Variants in SEMA3A observed in about 807,000 individuals in gnomAD.
SEMA3A encodes semaphorin 3A.
Under a neutral mutation model 97.9 loss-of-function variants are expected in SEMA3A, and 29 were observed. That is an observed-to-expected ratio of 0.30 (90% CI 0.22 to 0.40). The LOEUF (loss-of-function observed/expected upper bound fraction) is 0.40. Ranked by LOEUF, SEMA3A falls within the 10% of genes least tolerant of loss-of-function variation. The pLI is 1.00. For missense variants in SEMA3A, 763 were observed against 951.3 expected (o/e 0.80, Z 2.60); for synonymous variants, 321 against 323.7 (o/e 0.99, Z 0.09).
chr7:84,038,326 C>T (rs1483290966), intron 6 of SEMA3A, among the ~76,000 whole-genome samples: 4 of 152,092 alleles, frequency 2.6e-5, no homozygotes, highest in Non-Finnish European at 5.9e-5. Context: ...CATTTTACTA[C>T]ATTTTTAGCA....
chr7:84,391,521 T>C (rs1332691742), intron 1 of SEMA3A, among the ~76,000 whole-genome samples: 2 of 152,092 alleles, frequency 1.3e-5, no homozygotes, highest in African/African-American at 4.8e-5. Context: ...GTAAATATTT[T>C]GGAACAGCAG....
At chr7:84,487,776 C>T (rs1806612944) in intron 1 of SEMA3A, among the ~76,000 whole-genome samples, 1 of 151,914 alleles carries the variant, frequency 6.6e-6, no homozygotes, top group Non-Finnish European at 1.5e-5. Context: ...CTTGAGATTA[C>T]TTTTTAAAAA....
chr7:83,976,634 G>C (rs1789159035), intron 15 of SEMA3A, among the ~76,000 whole-genome samples: 3 of 151,824 alleles, frequency 2.0e-5, no homozygotes, highest in Non-Finnish European at 4.4e-5. Context: ...CAGTGTAAGG[G>C]AATACCCTAC....
At chr7:84,053,084 G>A (rs1046541792) in intron 5 of SEMA3A, among the ~76,000 whole-genome samples, 3 of 145,248 alleles carry the variant, frequency 2.1e-5, no homozygotes, top group Non-Finnish European at 1.5e-5. Context: ...GAGATAGTTT[G>A]TTATAATTTC....
At chr7:84,009,642 A>G (rs1790797081) in intron 9 of SEMA3A, among the ~76,000 whole-genome samples, 1 of 152,074 alleles carries the variant, frequency 6.6e-6, no homozygotes, top group Non-Finnish European at 1.5e-5. Flanking sequence ...TCTTTCAACA[A>G]CCCCAGGTAA....
intron 1 of SEMA3A, among the ~76,000 whole-genome samples, chr7:84,188,474 A>C (rs1797949707): frequency 6.6e-6 from 1 of 151,980 alleles, no homozygotes; most frequent in Non-Finnish European, 1.5e-5. Context: ...AACAGTGTTA[A>C]AGAACCTACA....
At chr7:84,193,695 T>C (rs1167955762) in intron 1 of SEMA3A, among the ~76,000 whole-genome samples, 2 of 152,018 alleles carry the variant, frequency 1.3e-5, no homozygotes, top group East Asian at 3.9e-4. Context: ...TCAATAAAAA[T>C]AAGCACATAC....
intron 3 of SEMA3A, among the ~76,000 whole-genome samples, chr7:84,285,113 G>A (rs1800546261): frequency 6.6e-6 from 1 of 152,032 alleles, no homozygotes; most frequent in Non-Finnish European, 1.5e-5. Context: ...TGTGGTGGTG[G>A]TCTTAAACAT....
intron 4 of SEMA3A, among the ~76,000 whole-genome samples, chr7:84,092,908 G>A (rs566099323): frequency 1.8e-4 from 28 of 151,580 alleles, no homozygotes; most frequent in Non-Finnish European, 3.2e-4. Flanking sequence ...TTTCTGTTAG[G>A]TCATATGTAT....
chr7:84,087,728 TA>T (rs1293932814), intron 4 of SEMA3A, among the ~76,000 whole-genome samples: 1 of 152,214 alleles, frequency 6.6e-6, no homozygotes, highest in Admixed American at 6.5e-5. Context: ...ATTATTGTTA[TA>T]TTGGCATTGT....
chr7:84,323,068 T>G (rs1801689217), intron 2 of SEMA3A, among the ~76,000 whole-genome samples: 1 of 152,168 alleles, frequency 6.6e-6, no homozygotes, highest in Non-Finnish European at 1.5e-5. Context: ...CCTTTGTCAG[T>G]GTATAATGAA....
intron 1 of SEMA3A, among the ~76,000 whole-genome samples, chr7:84,425,003 TTA>T (rs1401378721): frequency 3.9e-5 from 4 of 103,512 alleles, no homozygotes; most frequent in South Asian, 3.2e-4. Context: ...TTTTATTTAT[TTA>T]TATATATTAT....
In SEMA3A at chr7:84,407,657, C is replaced by T. The variant is rs186450545; in HGVS notation, c.-245-35757G>A. On this transcript the variant is annotated intron_variant, in intron 1 of 3. Transcript: ENST00000424555. Reference sequence around the variant, plus strand: ...GACTTCAAACTATACTACAAGGCTACAGTAACCAAAACAGCATGGTACTGG... The same window carrying T: ...GACTTCAAACTATACTACAAGGCTATAGTAACCAAAACAGCATGGTACTGG... Among the ~76,000 whole-genome samples, 7 of 151,890 alleles carry T rather than the reference C, an allele frequency of 4.6e-5. No homozygotes were observed. In the East Asian group the frequency reaches 1.4e-3, roughly 29 times the overall value.
chr7:84,370,535 T>G (rs989484231), intron 2 of SEMA3A, among the ~76,000 whole-genome samples: 1 of 151,738 alleles, frequency 6.6e-6, no homozygotes, highest in Non-Finnish European at 1.5e-5. Context: ...AAGAAAAGGT[T>G]AGAAACATCT....
At chr7:83,967,723 C>G (rs1788758526) in intron 15 of SEMA3A, among the ~76,000 whole-genome samples, 1 of 152,144 alleles carries the variant, frequency 6.6e-6, no homozygotes, top group Non-Finnish European at 1.5e-5. Context: ...CCATTGCACT[C>G]TAGCCTGGGT....
At chr7:84,274,063 A>G (rs1800223846) in intron 3 of SEMA3A, among the ~76,000 whole-genome samples, 2 of 152,098 alleles carry the variant, frequency 1.3e-5, no homozygotes, top group Admixed American at 6.6e-5. Context: ...GTTTCAAAAT[A>G]TTTTCAGAAA....
chr7:84,079,109 A>C (rs913413780), intron 4 of SEMA3A, among the ~76,000 whole-genome samples: 1 of 152,330 alleles, frequency 6.6e-6, no homozygotes, highest in South Asian at 2.1e-4. Flanking sequence ...ATAAACAATT[A>C]TAATTACATT....
At chr7:84,461,674 A>G (rs1419159687) in intron 1 of SEMA3A, among the ~76,000 whole-genome samples, 2 of 152,196 alleles carry the variant, frequency 1.3e-5, no homozygotes, top group Non-Finnish European at 2.9e-5. Context: ...GACAAGGGTT[A>G]AATCTACTTT....
At chr7:84,348,908 C>T (rs1003254814) in intron 2 of SEMA3A, among the ~76,000 whole-genome samples, 4 of 151,844 alleles carry the variant, frequency 2.6e-5, no homozygotes, top group Non-Finnish European at 5.9e-5. Flanking sequence ...CGCTTGAAAC[C>T]GGGTGGCGGA....
Sources: gnomAD v4.1 joint callset for allele counts (sites outside exome capture counted in the v4.1 genomes callset) on GRCh38, gnomAD v4.1.1 for gene constraint, MANE v1.5 for transcripts, NCBI Gene and HGNC (gene_info 2026-07-23, HGNC 2026-07-21) for gene names.